Variants in MARCHF1 observed in about 807,000 individuals in gnomAD.
MARCHF1 encodes membrane associated ring-CH-type finger 1.
A neutral mutation model predicts 54.2 loss-of-function variants in MARCHF1; 40 were observed. The observed-to-expected ratio is 0.74, with a 90% confidence interval of 0.57 to 0.96. The LOEUF is 0.96. MARCHF1 is among the 40% of genes least tolerant of loss of function. The pLI is 0.00. For synonymous variants in MARCHF1, 236 were observed against 236.3 expected (o/e 1.00, Z 0.01); for missense variants, 586 against 656.5 (o/e 0.89, Z 1.17).
intron 2 of MARCHF1, among the ~76,000 whole-genome samples, chr4:164,053,402 C>T (rs1253996201): frequency 6.6e-6 from 1 of 152,068 alleles, no homozygotes; most frequent in South Asian, 2.1e-4. Context: ...TTCTAAGATG[C>T]CATGTTTAAA....
At chr4:164,324,801 G>A (rs1409513501) in intron 1 of MARCHF1, among the ~76,000 whole-genome samples, 2 of 151,230 alleles carry the variant, frequency 1.3e-5, no homozygotes, top group Non-Finnish European at 3.0e-5. Flanking sequence ...AATGATTGAG[G>A]AAGAGATCAA....
intron 5 of MARCHF1, among the ~76,000 whole-genome samples, chr4:163,679,250 A>C (rs2111158060): frequency 6.6e-6 from 1 of 152,310 alleles, no homozygotes; most frequent in East Asian, 1.9e-4. Flanking sequence ...TAGATTTTTC[A>C]GGAATATTCT....
chr4:163,890,660 T>C (rs1198869435), intron 3 of MARCHF1, among the ~76,000 whole-genome samples: 1 of 152,128 alleles, frequency 6.6e-6, no homozygotes, highest in African/African-American at 2.4e-5. Context: ...GTGTTTCAGA[T>C]TTAGATTTTA....
intron 2 of MARCHF1, among the ~76,000 whole-genome samples, chr4:164,003,545 T>A (rs1032754913): frequency 6.6e-6 from 1 of 151,992 alleles, no homozygotes; most frequent in African/African-American, 2.4e-5. Context: ...AATCAAATAG[T>A]ACTAGAAATA....
chr4:163,997,666 G>T (rs1037822633), intron 2 of MARCHF1, among the ~76,000 whole-genome samples: 1 of 152,008 alleles, frequency 6.6e-6, no homozygotes, highest in Non-Finnish European at 1.5e-5. Flanking sequence ...CTTATATAGA[G>T]AAACCTTGTA....
At chr4:163,760,350 T>C (rs937583752) in intron 4 of MARCHF1, among the ~76,000 whole-genome samples, 1 of 152,202 alleles carries the variant, frequency 6.6e-6, no homozygotes, top group Non-Finnish European at 1.5e-5. Context: ...CTTAATTCTA[T>C]TTGCAATTTT....
intron 4 of MARCHF1, among the ~76,000 whole-genome samples, chr4:163,808,014 A>C (rs1379448938): frequency 6.6e-6 from 1 of 152,198 alleles, no homozygotes; most frequent in Non-Finnish European, 1.5e-5. Context: ...CTCTGCCTTT[A>C]TATTTTCTTG....
intron 4 of MARCHF1, among the ~76,000 whole-genome samples, chr4:163,770,669 G>A (rs1485018280): frequency 6.6e-6 from 1 of 151,948 alleles, no homozygotes; most frequent in Non-Finnish European, 1.5e-5. Flanking sequence ...TCTTACTTGT[G>A]GAGAATAAAG....
chr4:163,730,478 A>G (rs1409174085), intron 4 of MARCHF1, among the ~76,000 whole-genome samples: 1 of 152,058 alleles, frequency 6.6e-6, no homozygotes. Flanking sequence ...GTTTTGTTGA[A>G]AAGCGGACAT....
chr4:163,530,772 A>AT (rs34389626), intron 9 of MARCHF1: 1 of 151,872 alleles, frequency 6.6e-6, no homozygotes, highest in South Asian at 2.1e-4. Flanking sequence ...GCAAAGGTAA[A>AT]TTTTTTCTAA....
chr4:164,164,761 T>G (rs1244013517), intron 1 of MARCHF1, among the ~76,000 whole-genome samples: 1 of 152,030 alleles, frequency 6.6e-6, no homozygotes, highest in Admixed American at 6.6e-5. Flanking sequence ...CATATGAACA[T>G]GAGTTTGAAT....
intron 1 of MARCHF1, among the ~76,000 whole-genome samples, chr4:164,340,406 TA>T (rs1264597268): frequency 0.032 from 2,613 of 80,714 alleles, 295 homozygotes; most frequent in African/African-American, 0.087. Context: ...GGCCTTGATT[TA>T]TATATAGATA....
intron 5 of MARCHF1, among the ~76,000 whole-genome samples, chr4:163,666,399 T>G (rs1199252576): frequency 6.6e-6 from 1 of 152,134 alleles, no homozygotes; most frequent in African/African-American, 2.4e-5. Context: ...TTCTTCCACT[T>G]TTTAGTTACA....
Position 163,693,149 on chromosome 4 carries a change from C to A in MARCHF1, c.162+7664G>T, listed in dbSNP as rs568992810. Among the ~76,000 whole-genome samples the A allele has an allele frequency of 1.5e-4, 22 of 151,260 alleles. 1 individual carries two copies. The highest frequency in any genetic ancestry group is 1.5e-3 in the Admixed American group (22 of 15,162). ...AATGAGGTCTAATGAGCAGGAAGGG[C>A]CAATAATCTGAATGCTTTGTTAGGA... is the stretch of plus-strand genomic sequence containing the variant. On this transcript the variant is annotated intron_variant, in intron 5 of 9. Coordinates refer to ENST00000514618, the MANE Select transcript of MARCHF1 (RefSeq NM_001394959.1).
chr4:163,921,911 C>T lies in MARCHF1; in HGVS notation c.-39+66590G>A, dbSNP rs556642986. On this transcript the variant is annotated intron_variant, in intron 3 of 9. Transcript: ENST00000514618. ...TATAAATCATGCTGCTATAAAGACACATGCACACATATGTTTATTGCGGCA... is the reference window on the plus strand; with the variant it reads ...TATAAATCATGCTGCTATAAAGACATATGCACACATATGTTTATTGCGGCA... 3.9e-5 allele frequency among the ~76,000 whole-genome samples: 6 copies of T among 152,190 alleles called. No homozygotes were observed. The East Asian group carries it at 1.2e-3, about 29-fold the overall frequency.
chr4:163,769,615 C>T (rs143711930), intron 4 of MARCHF1, among the ~76,000 whole-genome samples: 63 of 152,234 alleles, frequency 4.1e-4, no homozygotes, highest in Middle Eastern at 3.4e-3. Flanking sequence ...AGCTACCTGA[C>T]GACTATGAAA....
intron 2 of MARCHF1, among the ~76,000 whole-genome samples, chr4:164,027,549 G>A (rs2110983724): frequency 6.6e-6 from 1 of 152,010 alleles, no homozygotes; most frequent in African/African-American, 2.4e-5. Context: ...CTAGCCATAT[G>A]CAGAAGAATG....
At chr4:163,529,563 G>A (rs1426867469) in intron 9 of MARCHF1, among the ~76,000 whole-genome samples, 3 of 151,980 alleles carry the variant, frequency 2.0e-5, no homozygotes, top group Non-Finnish European at 4.4e-5. Flanking sequence ...GTAAGAGGGA[G>A]GGGAAGGAAA....
chr4:164,312,609 CCG>C (rs1363852859), intron 1 of MARCHF1, among the ~76,000 whole-genome samples: 7 of 152,040 alleles, frequency 4.6e-5, no homozygotes, highest in Non-Finnish European at 1.0e-4. Flanking sequence ...GGGTGAGCCA[CCG>C]CACCCGGCCG....
Sources: allele counts gnomAD v4.1 joint callset (sites outside exome capture counted in the v4.1 genomes callset), GRCh38; gene constraint gnomAD v4.1.1; transcripts MANE v1.5; gene names NCBI Gene and HGNC (gene_info 2026-07-23, HGNC 2026-07-21).